TBC1D22B: variants seen among roughly 807,000 people sequenced by gnomAD.
The protein encoded by TBC1D22B is TBC1 domain family member 22B.
Under a neutral mutation model 69.1 loss-of-function variants are expected in TBC1D22B, and 32 were observed. The observed-to-expected ratio is 0.46, with a 90% CI of 0.35 to 0.62. TBC1D22B has a LOEUF of 0.62. Among genes scored for constraint, TBC1D22B ranks in the 20% least tolerant of loss-of-function variants. TBC1D22B has a pLI of 0.00. For missense variants in TBC1D22B, 462 were observed against 630.9 expected (o/e 0.73, Z 2.87); for synonymous variants, 206 against 229.8 (o/e 0.90, Z 0.94).
intron 10 of TBC1D22B, 130 bp downstream of exon 10, chr6:37,314,021 G>A: frequency 5.1e-6 from 4 of 782,588 alleles, no homozygotes; most frequent in Non-Finnish European, 8.9e-6. Flanking sequence ...GAGTGCTGCT[G>A]GCAGCACCGG....
At chr6:37,282,450 C>T in intron 4 of TBC1D22B, 86 bp downstream of exon 4, 2 of 1,415,814 alleles carry the variant, frequency 1.4e-6, no homozygotes, top group Admixed American at 2.6e-5. Flanking sequence ...TTTATTCTTC[C>T]TTCTTTTACT....
chr6:37,304,725 T>C (rs1379067331), intron 8 of TBC1D22B, among the ~76,000 whole-genome samples: 1 of 152,078 alleles, frequency 6.6e-6, no homozygotes, highest in Non-Finnish European at 1.5e-5. Flanking sequence ...GACATAAACA[T>C]GTGTCAAGAC....
chr6:37,320,862 C>T (rs553097213), intron 12 of TBC1D22B, among the ~76,000 whole-genome samples: 218 of 152,304 alleles, frequency 1.4e-3, no homozygotes, highest in African/African-American at 5.0e-3. Flanking sequence ...CCTCCGGGCC[C>T]GTGGCAGCTT....
At chr6:37,261,944 A>AGTGTGTGTGTGTGT (rs70977641) in intron 1 of TBC1D22B, among the ~76,000 whole-genome samples, 3 of 118,792 alleles carry the variant, frequency 2.5e-5, no homozygotes, top group Admixed American at 9.3e-5. Flanking sequence ...AGCTTTGGTC[A>AGTGTGTGTGTGTGT]GTGTGTGTGT....
chr6:37,271,958 G>A (rs1351411528), intron 2 of TBC1D22B, among the ~76,000 whole-genome samples: 1 of 151,874 alleles, frequency 6.6e-6, no homozygotes, highest in Non-Finnish European at 1.5e-5. Flanking sequence ...AACAGCATGT[G>A]GCACGTAGTA....
At chr6:37,326,938 T>C (rs1768423245) in intron 12 of TBC1D22B, among the ~76,000 whole-genome samples, 1 of 152,234 alleles carries the variant, frequency 6.6e-6, no homozygotes, top group Admixed American at 6.5e-5. Flanking sequence ...CCCAAGAGTC[T>C]AAGGTACAGA....
chr6:37,316,880 C>T, intron 11 of TBC1D22B, 50 bp downstream of exon 11: 2 of 1,611,436 alleles, frequency 1.2e-6, no homozygotes, highest in Non-Finnish European at 1.7e-6. Flanking sequence ...CTGAGGTGTC[C>T]AGCTCTCTGC....
chr6:37,279,651 A>G (rs749278028), intron 3 of TBC1D22B, 40 bp downstream of exon 3: 1 of 1,546,094 alleles, frequency 6.5e-7, no homozygotes, highest in Admixed American at 2.1e-5. Flanking sequence ...CAGCCTTCTC[A>G]GCAGCGTGCA....
chr6:37,317,705 A>C (rs906672048), intron 12 of TBC1D22B, among the ~76,000 whole-genome samples: 8 of 152,178 alleles, frequency 5.3e-5, no homozygotes, highest in African/African-American at 1.9e-4. Flanking sequence ...GGTGGTAGAG[A>C]AGGGACAGGT....
At position 37,331,269 on chromosome 6, in the gene TBC1D22B, C is replaced by T; in HGVS notation, c.*97C>T. ...AGCCGTGGACCCCGGCCAGGAACCA[C>T]TCCTGTTGTACAAAGCTCACACCCA... On this transcript the variant is annotated 3_prime_UTR_variant, in exon 13 of 13. Coordinates refer to ENST00000373491, the MANE Select transcript of TBC1D22B (RefSeq NM_017772.4). 1 of 1,316,068 alleles carries T rather than the reference C, an allele frequency of 7.6e-7. No homozygotes were observed. Among genetic ancestry groups the T allele is most frequent in the Non-Finnish European group, 1.1e-6 (1 of 927,484 alleles). 81.5% of individuals were successfully genotyped at this position (1,316,068 alleles called of 1,614,324 possible).
intron 12 of TBC1D22B, among the ~76,000 whole-genome samples, chr6:37,327,245 G>T (rs1282744870): frequency 1.0e-5 from 1 of 95,366 alleles, no homozygotes; most frequent in East Asian, 2.4e-4. Context: ...TTGGGAGGCC[G>T]AGGCGGGCGG....
chr6:37,313,771 A>G, intron 9 of TBC1D22B, 45 bp from the exon 10 acceptor site: 1 of 1,580,478 alleles, frequency 6.3e-7, no homozygotes. Flanking sequence ...AGGTGATAAC[A>G]CAAGTTAGAG....
In TBC1D22B at chr6:37,332,547, T is replaced by C. The variant is rs1024229025; in HGVS notation, c.*1375T>C. 1.3e-5 allele frequency: 2 copies of C among 152,470 alleles called. No homozygotes were observed. The highest frequency in any genetic ancestry group is 6.6e-5 in the Admixed American group (1 of 15,254). The allele number at this position is 152,470 out of a possible 1,614,324, so 9.4% of individuals were successfully genotyped here. On this transcript the variant is annotated 3_prime_UTR_variant, in exon 13 of 13. Coordinates refer to ENST00000373491, the MANE Select transcript of TBC1D22B (RefSeq NM_017772.4). ...GCACTCCATATCCCTTACTGTCACC[T>C]TCACTCCCCACACAGCTCATGAGAT...
chr6:37,301,059 T>C (rs1767554437), intron 8 of TBC1D22B, among the ~76,000 whole-genome samples: 3 of 152,242 alleles, frequency 2.0e-5, no homozygotes, highest in African/African-American at 4.8e-5. Flanking sequence ...TGGATTCATA[T>C]AGCATGTGTC....
chr6:37,317,018 G>A (rs1358502546), intron 11 of TBC1D22B, 93 bp from the exon 12 acceptor site: 1 of 1,476,308 alleles, frequency 6.8e-7, no homozygotes, highest in Non-Finnish European at 9.2e-7. Flanking sequence ...CCGTGAAAGA[G>A]TTTCCCACCT....
At chr6:37,282,453 CTTTT>C (rs1562047736) in intron 4 of TBC1D22B, 89 bp downstream of exon 4, 15 of 1,410,732 alleles carry the variant, frequency 1.1e-5, no homozygotes, top group Non-Finnish European at 1.4e-5. Context: ...ATTCTTCCTT[CTTTT>C]ACTTTTCTAG....
intron 12 of TBC1D22B, among the ~76,000 whole-genome samples, chr6:37,330,606 A>C (rs930581565): frequency 6.6e-6 from 1 of 152,114 alleles, no homozygotes; most frequent in Non-Finnish European, 1.5e-5. Flanking sequence ...TGATTGCGTC[A>C]CTGCACTCCA....
rs975502447 is a variant in TBC1D22B at position 37,312,821 on chromosome 6, C to T, written c.983-97C>T. 11 of 973,290 alleles carry T rather than the reference C, an allele frequency of 1.1e-5. No homozygotes were observed. The African/African-American group carries it at 1.8e-4, about 15-fold the overall frequency. The allele number at this position is 973,290 out of a possible 1,614,324, so 60.3% of individuals were successfully genotyped here. On this transcript the variant is annotated intron_variant, in intron 8 of 12. Coordinates refer to ENST00000373491, the MANE Select transcript of TBC1D22B (RefSeq NM_017772.4). The stretch of plus-strand genomic sequence containing the variant: ...TAACATCAGGTTAGCCTGGTCCTCA[C>T]TTGGCCTTAAAGACCCCATTGAAGA...
intron 10 of TBC1D22B, 65 bp from the exon 11 acceptor site, chr6:37,316,638 G>C: frequency 6.3e-7 from 1 of 1,598,408 alleles, no homozygotes; most frequent in Non-Finnish European, 8.6e-7. Context: ...CTGCTATTTT[G>C]GCTCCTGTGG....
Sources: allele counts gnomAD v4.1 joint callset (sites outside exome capture counted in the v4.1 genomes callset), GRCh38; gene constraint gnomAD v4.1.1; transcripts MANE v1.5; gene names NCBI Gene and HGNC (gene_info 2026-07-23, HGNC 2026-07-21).